The following LCLAT1 variants were observed in gnomAD, a reference collection of about 807,000 sequenced individuals.
LCLAT1 encodes lysocardiolipin acyltransferase 1, also known as 1-AGP acyltransferase 8.
LCLAT1 carries 11 observed loss-of-function variants against 30.7 expected under a neutral mutation model. The ratio of observed to expected loss-of-function variants is 0.36; its 90% CI spans 0.23 to 0.59. The LOEUF (loss-of-function observed/expected upper bound fraction) is 0.59, where lower values mean the gene tolerates loss of function less well. Among genes scored for constraint, LCLAT1 ranks in the 20% least tolerant of loss-of-function variants. The pLI is 0.77. For missense variants in LCLAT1, 402 were observed against 458.6 expected (o/e 0.88, Z 1.13); for synonymous variants, 155 against 151.3 (o/e 1.02, Z -0.18).
At chr2:30,520,474 T>C (rs1685422895) in intron 1 of LCLAT1, among the ~76,000 whole-genome samples, 1 of 152,236 alleles carries the variant, frequency 6.6e-6, no homozygotes, top group South Asian at 2.1e-4. Flanking sequence ...GAGTGTGGAC[T>C]CTGACACCAA....
chr2:30,615,015 T>G (rs1047051435), intron 5 of LCLAT1, among the ~76,000 whole-genome samples: 23 of 152,070 alleles, frequency 1.5e-4, no homozygotes, highest in Admixed American at 3.9e-4. Flanking sequence ...TTCATTGGCA[T>G]GGGTTCGAGA....
intron 3 of LCLAT1, among the ~76,000 whole-genome samples, chr2:30,544,511 G>C (rs1311996800): frequency 1.3e-5 from 2 of 152,082 alleles, no homozygotes; most frequent in African/African-American, 4.8e-5. Context: ...AAAATATTCT[G>C]TTTCCAGTTA....
intron 3 of LCLAT1, among the ~76,000 whole-genome samples, chr2:30,554,140 A>T (rs950376950): frequency 8.5e-5 from 13 of 152,260 alleles, no homozygotes; most frequent in African/African-American, 2.9e-4. Flanking sequence ...ACAAAATATT[A>T]GAAAAGTTTT....
intron 1 of LCLAT1, among the ~76,000 whole-genome samples, chr2:30,481,364 A>C (rs1683311398): frequency 6.6e-6 from 1 of 152,238 alleles, no homozygotes; most frequent in Admixed American, 6.5e-5. Flanking sequence ...TAATATCAGC[A>C]TAAAGATAGC....
chr2:30,581,406 A>G (rs1308436535), intron 5 of LCLAT1, among the ~76,000 whole-genome samples: 3 of 152,162 alleles, frequency 2.0e-5, no homozygotes, highest in African/African-American at 7.2e-5. Context: ...AGACTCACAC[A>G]GTTTCTGGGT....
chr2:30,565,045 G>C (rs1017956729), intron 4 of LCLAT1, among the ~76,000 whole-genome samples: 3 of 152,082 alleles, frequency 2.0e-5, no homozygotes, highest in Non-Finnish European at 4.4e-5. Flanking sequence ...AGACATATGT[G>C]CACCCATACA....
chr2:30,499,218 C>T (rs1039333745), intron 1 of LCLAT1, among the ~76,000 whole-genome samples: 4 of 152,106 alleles, frequency 2.6e-5, no homozygotes, highest in East Asian at 1.9e-4. Flanking sequence ...TCGCTCTTAT[C>T]GCCCAGGCTG....
intron 5 of LCLAT1, 143 bp downstream of exon 5, chr2:30,568,319 C>A: frequency 1.9e-6 from 1 of 520,144 alleles, no homozygotes; most frequent in Non-Finnish European, 3.4e-6. Flanking sequence ...CCAAGTTGGC[C>A]TATGTACTAA....
intron 5 of LCLAT1, among the ~76,000 whole-genome samples, chr2:30,626,249 T>G (rs2609920): frequency 0.095 from 14,451 of 152,308 alleles, 722 homozygotes; most frequent in African/African-American, 0.1. Flanking sequence ...TTGTTTCATT[T>G]GCAGGGGTTT....
intron 1 of LCLAT1, among the ~76,000 whole-genome samples, chr2:30,492,203 A>G (rs1454757527): frequency 6.6e-6 from 1 of 152,188 alleles, no homozygotes; most frequent in Non-Finnish European, 1.5e-5. Context: ...AAAGTGAGAT[A>G]AATATCAGTT....
intron 1 of LCLAT1, among the ~76,000 whole-genome samples, chr2:30,471,148 G>A (rs560469184): frequency 6.6e-6 from 1 of 151,600 alleles, no homozygotes; most frequent in East Asian, 1.9e-4. Flanking sequence ...TCCTGACCTC[G>A]TGATCCACCT....
Position 30,643,405 on chromosome 2 carries a change from C to G in LCLAT1, c.*2786C>G, listed in dbSNP as rs1314461689. 3 of 134,932 alleles carry G rather than the reference C, an allele frequency of 2.2e-5. No homozygotes were observed. Among genetic ancestry groups the G allele is most frequent in the African/African-American group, 8.6e-5 (3 of 34,806 alleles). The allele number at this position is 134,932 out of a possible 1,614,324, so 8.4% of individuals were successfully genotyped here. ...CTTGATGAAATAAGCCAAAATAATCCTAAAATTCATTAGAAGAACTTGATA... is the reference window on the plus strand; with the variant it reads ...CTTGATGAAATAAGCCAAAATAATCGTAAAATTCATTAGAAGAACTTGATA... On this transcript the variant is annotated 3_prime_UTR_variant, in exon 6 of 6. Transcript: ENST00000379509.
chr2:30,544,789 A>G (rs529869098), intron 3 of LCLAT1, among the ~76,000 whole-genome samples: 7 of 152,314 alleles, frequency 4.6e-5, no homozygotes, highest in African/African-American at 1.7e-4. Context: ...AGAAATCCGT[A>G]TTAGACTTAA....
intron 3 of LCLAT1, among the ~76,000 whole-genome samples, chr2:30,545,853 C>T (rs1326728551): frequency 6.6e-6 from 1 of 152,014 alleles, no homozygotes; most frequent in Non-Finnish European, 1.5e-5. Context: ...TTCTCTGGAT[C>T]ATTAATCACT....
intron 5 of LCLAT1, among the ~76,000 whole-genome samples, chr2:30,619,107 C>T (rs574094982): frequency 1.3e-5 from 2 of 152,240 alleles, no homozygotes; most frequent in Non-Finnish European, 2.9e-5. Flanking sequence ...ACACATCTTC[C>T]TACGTAATCC....
chr2:30,552,248 A>C (rs558655710), intron 3 of LCLAT1, among the ~76,000 whole-genome samples: 1 of 152,338 alleles, frequency 6.6e-6, no homozygotes, highest in East Asian at 1.9e-4. Context: ...TCATGTTAAC[A>C]TGAACCCCAA....
At chr2:30,622,373 C>T (rs1365795782) in intron 5 of LCLAT1, among the ~76,000 whole-genome samples, 2 of 152,142 alleles carry the variant, frequency 1.3e-5, no homozygotes, top group Non-Finnish European at 2.9e-5. Flanking sequence ...GCTCTGTTGT[C>T]CCTCCTACCA....
chr2:30,571,012 G>A (rs1665755064), intron 5 of LCLAT1, among the ~76,000 whole-genome samples: 1 of 152,056 alleles, frequency 6.6e-6, no homozygotes, highest in South Asian at 2.1e-4. Context: ...GGCCCAGCCT[G>A]GCTTTCTGAT....
rs192778620 is a variant in LCLAT1 at position 30,537,999 on chromosome 2, A to C, written c.364+4685A>C. On this transcript the variant is annotated intron_variant, in intron 3 of 5. Coordinates refer to ENST00000379509, the MANE Select transcript of LCLAT1 (RefSeq NM_001002257.3). ...TGACCGGTGGATCAATGAAGAAATTAAGAAGGAAATAAAAAAAAAATTTGA... is the reference window on the plus strand; with the variant it reads ...TGACCGGTGGATCAATGAAGAAATTCAGAAGGAAATAAAAAAAAAATTTGA... 2.5e-4 allele frequency among the ~76,000 whole-genome samples: 38 copies of C among 152,288 alleles called. No homozygotes were observed. In the East Asian group the frequency reaches 7.3e-3, roughly 29 times the overall value.
Sources: allele counts gnomAD v4.1 joint callset (sites outside exome capture counted in the v4.1 genomes callset), GRCh38; gene constraint gnomAD v4.1.1; transcripts MANE v1.5; gene names NCBI Gene and HGNC (gene_info 2026-07-23, HGNC 2026-07-21).